Variants in FHAD1 observed in about 807,000 individuals in gnomAD.
The protein encoded by FHAD1 is forkhead associated phosphopeptide binding domain 1.
A neutral mutation model predicts 191.3 loss-of-function variants in FHAD1; 146 were observed. The observed-to-expected ratio is 0.76, with a 90% CI of 0.67 to 0.88. The LOEUF (loss-of-function observed/expected upper bound fraction) is 0.88. Ranked by LOEUF, FHAD1 falls within the 40% of genes least tolerant of loss-of-function variation. FHAD1 has a pLI of 0.00. For synonymous variants in FHAD1, 616 were observed against 672.3 expected (o/e 0.92, Z 1.29); for missense variants, 1,635 against 1,785.8 (o/e 0.92, Z 1.52).
In FHAD1 at chr1:15,285,480, C is replaced by A. The variant is rs533982801; in HGVS notation, c.301-3919C>A. On this transcript the variant is annotated intron_variant, in intron 3 of 33. Coordinates refer to ENST00000688493, the MANE Select transcript of FHAD1 (RefSeq NM_001391957.1). ...CCCAGGAGGCGGAGGTTGCAGTGAG[C>A]CGAGATCACGCCACTGCACTCCAGC... 1.3e-5 allele frequency among the ~76,000 whole-genome samples: 2 copies of A among 152,240 alleles called. 1 individual carries two copies. Among genetic ancestry groups the A allele is most frequent in the South Asian group, 4.2e-4 (2 of 4,816 alleles).
In FHAD1 at chr1:15,278,224, C is replaced by T. The variant is rs1019720562; in HGVS notation, c.300+5695C>T. ...GACAGAGATCATATGGCACACAAAG[C>T]CAAAAATATTTACTCTCTGGCTCTC... On this transcript the variant is annotated intron_variant, in intron 3 of 33. Coordinates refer to ENST00000688493, the MANE Select transcript of FHAD1 (RefSeq NM_001391957.1). Among the ~76,000 whole-genome samples the T allele has an allele frequency of 9.2e-5, 14 of 152,196 alleles. No homozygotes were observed. The East Asian group carries it at 2.7e-3, about 29-fold the overall frequency.
At chr1:15,307,630 T>C (rs1418378765) in intron 6 of FHAD1, among the ~76,000 whole-genome samples, 1 of 152,230 alleles carries the variant, frequency 6.6e-6, no homozygotes, top group Non-Finnish European at 1.5e-5. Context: ...GATGGGTTTA[T>C]CAGGGGTTTC....
chr1:15,263,948 A>G (rs1652298351), intron 2 of FHAD1, among the ~76,000 whole-genome samples: 1 of 152,168 alleles, frequency 6.6e-6, no homozygotes, highest in South Asian at 2.1e-4. Context: ...CATATATGCA[A>G]AGGTTTATAT....
Position 15,251,839 on chromosome 1 carries a change from A to G in FHAD1, c.55A>G (p.Thr19Ala). 6.4e-7 allele frequency: 1 copy of G among 1,552,372 alleles called. No individual in the cohort carries two copies. The highest frequency in any genetic ancestry group is 8.7e-7 in the Non-Finnish European group (1 of 1,147,140). Reference protein sequence around the residue: ...EGFFVLNKSTTIGRHENSDLV... With the variant: ...EGFFVLNKSTAIGRHENSDLV... ...CTTTTTTGTCCTAAATAAAAGTACC[A>G]CAATTGGAAGGCATGAAAATTCAGA... Residue 19 changes from threonine to alanine, a missense_variant, in exon 2 of 34, where the codon ACA (threonine) becomes GCA (alanine). Thr to Ala is a moderately conservative substitution (Grantham distance 58, BLOSUM62 0). Coordinates refer to ENST00000688493, the MANE Select transcript of FHAD1 (RefSeq NM_001391957.1).
At chr1:15,339,372 T>A in intron 14 of FHAD1, 109 bp from the exon 15 acceptor site, 1 of 429,012 alleles carries the variant, frequency 2.3e-6, no homozygotes, top group South Asian at 2.0e-5. Flanking sequence ...ACAGGTTGGA[T>A]GGCAGCTCAC....
chr1:15,399,309 G>A (rs1460360170), downstream of FHAD1, among the ~76,000 whole-genome samples: 1 of 152,146 alleles, frequency 6.6e-6, no homozygotes, highest in Admixed American at 6.6e-5. Context: ...GCTCACATCT[G>A]TAATCCTAAC....
At chr1:15,264,450 A>G (rs571218679) in intron 2 of FHAD1, among the ~76,000 whole-genome samples, 17 of 152,156 alleles carry the variant, frequency 1.1e-4, no homozygotes, top group Non-Finnish European at 1.8e-4. Context: ...TTGTTAGTGT[A>G]TAGAAATACC....
intron 22 of FHAD1, 38 bp downstream of exon 22, chr1:15,360,741 G>C: frequency 2.0e-6 from 3 of 1,524,362 alleles, no homozygotes; most frequent in Non-Finnish European, 2.7e-6. Flanking sequence ...CTTAGTGTTC[G>C]GGGCAGGTTC....
chr1:15,357,714 AG>A (rs1383161656), intron 20 of FHAD1: 7 of 157,032 alleles, frequency 4.5e-5, no homozygotes, highest in Admixed American at 3.9e-4. Flanking sequence ...CCTGGAGGAA[AG>A]GGGGGTGTCC....
At chr1:15,388,583 G>A (rs1702939864) in intron 32 of FHAD1, among the ~76,000 whole-genome samples, 1 of 151,560 alleles carries the variant, frequency 6.6e-6, no homozygotes, top group Non-Finnish European at 1.5e-5. Flanking sequence ...AAATGAGGGG[G>A]GTGAAAGAAG....
At chr1:15,261,573 G>A (rs1651082199) in intron 2 of FHAD1, among the ~76,000 whole-genome samples, 1 of 152,056 alleles carries the variant, frequency 6.6e-6, no homozygotes, top group Non-Finnish European at 1.5e-5. Context: ...CAGAGATACC[G>A]CCTGAAACAG....
chr1:15,309,911 G>A (rs1038507007), intron 7 of FHAD1, among the ~76,000 whole-genome samples: 2 of 152,162 alleles, frequency 1.3e-5, no homozygotes, highest in Non-Finnish European at 2.9e-5. Flanking sequence ...ACCAAGCCAC[G>A]GTGTTGGATC....
chr1:15,365,481 A>ATTTTTTT lies in FHAD1; in HGVS notation c.3048-332_3048-326dup, dbSNP rs71587751. Among the ~76,000 whole-genome samples, 7 of 112,756 alleles carry ATTTTTTT rather than the reference A, an allele frequency of 6.2e-5. 1 individual carries two copies. The highest frequency in any genetic ancestry group is 3.0e-4 in the South Asian group (1 of 3,366). The allele number at this position is 112,756 out of a possible 152,430, so 74.0% of individuals were successfully genotyped here. On this transcript the variant is annotated intron_variant, in intron 23 of 33. Transcript: ENST00000688493. ...AGCCACACACCACTATGCCTGGCTA[A>ATTTTTTT]TTTTTTTTTTTTTTTTTTTTGTAGA... is the stretch of plus-strand genomic sequence containing the variant.
intron 2 of FHAD1, among the ~76,000 whole-genome samples, chr1:15,270,477 T>C (rs1009404739): frequency 2.0e-5 from 3 of 152,154 alleles, no homozygotes; most frequent in African/African-American, 7.2e-5. Flanking sequence ...TCTAGATTGT[T>C]GTGAAGATGA....
intron 14 of FHAD1, among the ~76,000 whole-genome samples, chr1:15,337,796 C>G (rs887077388): frequency 6.6e-6 from 1 of 152,118 alleles, no homozygotes; most frequent in Non-Finnish European, 1.5e-5. Flanking sequence ...TTCATCAGGC[C>G]ACTTCACTGT....
intron 18 of FHAD1, among the ~76,000 whole-genome samples, chr1:15,346,316 A>G (rs539871726): frequency 3.3e-5 from 5 of 152,350 alleles, no homozygotes; most frequent in African/African-American, 1.2e-4. Flanking sequence ...AAATCTATTT[A>G]AAAGTTCAGA....
intron 18 of FHAD1, among the ~76,000 whole-genome samples, chr1:15,346,312 A>G (rs570600833): frequency 2.0e-5 from 3 of 152,352 alleles, no homozygotes; most frequent in Non-Finnish European, 2.9e-5. Context: ...CATAAAATCT[A>G]TTTAAAAGTT....
At chr1:15,304,180 A>G (rs950154020) in intron 6 of FHAD1, among the ~76,000 whole-genome samples, 1 of 152,258 alleles carries the variant, frequency 6.6e-6, no homozygotes, top group Non-Finnish European at 1.5e-5. Flanking sequence ...ATACCCCAAG[A>G]CAATGCGTAC....
chr1:15,308,269 T>C (rs539519018), intron 6 of FHAD1, among the ~76,000 whole-genome samples: 24 of 152,340 alleles, frequency 1.6e-4, no homozygotes, highest in African/African-American at 5.8e-4. Flanking sequence ...CTGTATCCAG[T>C]CAGTACTGGG....
Sources: allele counts gnomAD v4.1 joint callset (sites outside exome capture counted in the v4.1 genomes callset), GRCh38; gene constraint gnomAD v4.1.1; transcripts MANE v1.5; gene names NCBI Gene and HGNC (gene_info 2026-07-23, HGNC 2026-07-21).